LRRD1: variants seen among roughly 807,000 people sequenced by gnomAD.
LRRD1 encodes leucine-rich repeat and death domain-containing protein 1.
In LRRD1, 49 loss-of-function variants were observed where a neutral mutation model predicts 69.5. That is an observed-to-expected ratio of 0.70 (90% CI 0.56 to 0.89). The LOEUF is 0.89. Ranked by LOEUF, LRRD1 falls within the 40% of genes least tolerant of loss-of-function variation. The pLI is 0.00. For missense variants in LRRD1, 853 were observed against 956.0 expected (o/e 0.89, Z 1.42); for synonymous variants, 303 against 338.9 (o/e 0.89, Z 1.16).
At chr7:92,167,321 C>G (rs949380308) in intron 1 of LRRD1, among the ~76,000 whole-genome samples, 1 of 151,842 alleles carries the variant, frequency 6.6e-6, no homozygotes, top group South Asian at 2.1e-4. Context: ...GTCTCGATCT[C>G]CTGACCTTGT....
chr7:92,175,487 A>G (rs1488751542), intron 1 of LRRD1, among the ~76,000 whole-genome samples: 1 of 152,110 alleles, frequency 6.6e-6, no homozygotes, highest in Admixed American at 6.5e-5. Context: ...GTCTCCACTA[A>G]AAATGCAAAA....
chr7:92,159,354 T>C (rs1008259686), intron 2 of LRRD1, among the ~76,000 whole-genome samples, 151 bp from the exon 3 acceptor site: 2 of 152,216 alleles, frequency 1.3e-5, no homozygotes, highest in Non-Finnish European at 2.9e-5. Context: ...TCTTTGTGAC[T>C]GACTCTCCCT....
intron 4 of LRRD1, among the ~76,000 whole-genome samples, chr7:92,148,850 C>T (rs748638000): frequency 1.3e-4 from 20 of 152,058 alleles, no homozygotes; most frequent in African/African-American, 2.7e-4. Flanking sequence ...CGAGTTCAAG[C>T]GATTCTCCTG....
chr7:92,156,924 A>C (rs1788669932), intron 3 of LRRD1, among the ~76,000 whole-genome samples: 2 of 151,894 alleles, frequency 1.3e-5, no homozygotes, highest in Non-Finnish European at 2.9e-5. Flanking sequence ...GTATTTTTTC[A>C]AGTTGAGGAA....
At chr7:92,149,114 T>C (rs1820405179) in intron 4 of LRRD1, among the ~76,000 whole-genome samples, 1 of 152,256 alleles carries the variant, frequency 6.6e-6, no homozygotes. Context: ...AGACAGCTAC[T>C]GTGGCTTTTA....
chr7:92,159,779 G>A (rs1428818709), intron 2 of LRRD1, among the ~76,000 whole-genome samples: 1 of 151,804 alleles, frequency 6.6e-6, no homozygotes, highest in African/African-American at 2.4e-5. Context: ...CCAGCACCAC[G>A]CCCAGCTAAT....
Position 92,164,637 on chromosome 7 carries a change from C to T in LRRD1, c.566G>A (p.Gly189Glu). ...FQGADSGDLL[G>E]LEILSLQENG... ...TTCTTGCAGGGATAGAATTTCAAGT[C>T]CTAACAGATCACCTGAGTCTGCCCC... Residue 189 changes from glycine to glutamate, a missense_variant, in exon 2 of 6, where the codon GGA becomes GAA. Around this residue, in one of 3 missense-constraint regions of LRRD1, gnomAD observed 739 missense variants for 808.0 expected, o/e 0.91. Transcript: ENST00000458448. The T allele has an allele frequency of 6.4e-7, 1 of 1,551,768 alleles. No homozygotes were observed. Among genetic ancestry groups the T allele is most frequent in the South Asian group, 1.2e-5 (1 of 84,052 alleles).
At chr7:92,169,602 G>T (rs34040612) in intron 1 of LRRD1, among the ~76,000 whole-genome samples, 54,855 of 151,568 alleles carry the variant, frequency 0.36, 10,226 homozygotes, top group Middle Eastern at 0.39. Context: ...GTGAGCTGAG[G>T]TTACACCACT....
chr7:92,161,453 C>A (rs1788793909), intron 2 of LRRD1, among the ~76,000 whole-genome samples: 1 of 152,220 alleles, frequency 6.6e-6, no homozygotes. Context: ...TCCTGACAGG[C>A]AAGTATGATA....
chr7:92,152,453 T>C (rs2130989586), intron 3 of LRRD1, among the ~76,000 whole-genome samples: 1 of 152,264 alleles, frequency 6.6e-6, no homozygotes, highest in South Asian at 2.1e-4. Flanking sequence ...TCTATACATT[T>C]GTACTCAGTT....
At chr7:92,167,801 C>G (rs561810280) in intron 1 of LRRD1, among the ~76,000 whole-genome samples, 2 of 135,832 alleles carry the variant, frequency 1.5e-5, no homozygotes, top group East Asian at 4.6e-4. Context: ...GGCATGAACC[C>G]GGGAGGCGGA....
chr7:92,157,773 C>T lies in LRRD1; in HGVS notation c.2116+1232G>A, dbSNP rs138948915. The stretch of plus-strand genomic sequence containing the variant: ...TTTTTTTTAAGTAGAGCCGGGGTTT[C>T]ACCATATTGGCCAGGCTGGCATCAA... On this transcript the variant is annotated intron_variant, in intron 3 of 5. Transcript: ENST00000458448. Among the ~76,000 whole-genome samples, 23 of 151,596 alleles carry T rather than the reference C, an allele frequency of 1.5e-4. No individual in the cohort carries two copies. The East Asian group carries it at 4.3e-3, about 28-fold the overall frequency.
chr7:92,166,050 G>A lies in LRRD1; in HGVS notation c.-74-774C>T, dbSNP rs182154115. Among the ~76,000 whole-genome samples the A allele has an allele frequency of 1.6e-3, 246 of 152,142 alleles. 1 individual carries two copies. The highest frequency in any genetic ancestry group is 5.5e-3 in the African/African-American group (230 of 41,516). Reference sequence around the variant, plus strand: ...AGTGAAATGTCTTAAGGAAGGGTACGCTTTCTGTAAGAGTAAACTAGACAT... The same window carrying A: ...AGTGAAATGTCTTAAGGAAGGGTACACTTTCTGTAAGAGTAAACTAGACAT... On this transcript the variant is annotated intron_variant, in intron 1 of 5. Transcript: ENST00000458448.
At chr7:92,176,178 G>A (rs1399765254) in intron 1 of LRRD1, among the ~76,000 whole-genome samples, 1 of 152,154 alleles carries the variant, frequency 6.6e-6, no homozygotes. Context: ...CTTTATTTGG[G>A]AAAGAAGTGA....
At chr7:92,159,620 CTT>C (rs1183950471) in intron 2 of LRRD1, among the ~76,000 whole-genome samples, 4 of 112,154 alleles carry the variant, frequency 3.6e-5, no homozygotes, top group Admixed American at 9.6e-5. Flanking sequence ...ATCAACATTG[CTT>C]TTTTTTTTTT....
chr7:92,144,269 T>C (rs1820255135), downstream of LRRD1, among the ~76,000 whole-genome samples: 1 of 152,222 alleles, frequency 6.6e-6, no homozygotes, highest in South Asian at 2.1e-4. Flanking sequence ...TGAAAATCAC[T>C]AGTAATGTTG....
chr7:92,148,754 C>G lies in LRRD1; in HGVS notation c.2278+1780G>C, dbSNP rs144207233. Among the ~76,000 whole-genome samples, 818 of 152,194 alleles carry G rather than the reference C, an allele frequency of 5.4e-3. 3 individuals carry two copies. The highest frequency in any genetic ancestry group is 8.2e-3 in the Non-Finnish European group (557 of 67,994). On this transcript the variant is annotated intron_variant, in intron 4 of 5. Coordinates refer to ENST00000458448, the MANE Select transcript of LRRD1 (RefSeq NM_001161528.2). Reference sequence around the variant, plus strand: ...TAGAAATAGAATTACCATAAAAGATCCTTTCATTTTTTAGACGGAGTCTCG... The same window carrying G: ...TAGAAATAGAATTACCATAAAAGATGCTTTCATTTTTTAGACGGAGTCTCG...
intron 1 of LRRD1, among the ~76,000 whole-genome samples, chr7:92,170,436 T>A (rs542557316): frequency 6.6e-6 from 1 of 152,242 alleles, no homozygotes; most frequent in East Asian, 1.9e-4. Context: ...CTTTAAGGCA[T>A]GTAATAATCA....
At chr7:92,151,528 T>C (rs118075331) in intron 3 of LRRD1, among the ~76,000 whole-genome samples, 1 of 152,184 alleles carries the variant, frequency 6.6e-6, no homozygotes, top group Non-Finnish European at 1.5e-5. Flanking sequence ...TGTTATAATT[T>C]TTTTCCTTTC....
Sources: gnomAD v4.1 joint callset for allele counts (sites outside exome capture counted in the v4.1 genomes callset) on GRCh38, gnomAD v4.1.1 for gene constraint, gnomAD v4.1.1 regional missense constraint, MANE v1.5 for transcripts, NCBI Gene and HGNC (gene_info 2026-07-23, HGNC 2026-07-21) for gene names.